RAPGEF1: variants seen among roughly 807,000 people sequenced by gnomAD.
The protein encoded by RAPGEF1 is Rap guanine nucleotide exchange factor 1.
A neutral mutation model predicts 143.3 loss-of-function variants in RAPGEF1; 33 were observed. That is an observed-to-expected ratio of 0.23 (90% CI 0.17 to 0.31). The LOEUF (loss-of-function observed/expected upper bound fraction) is 0.31. Ranked by LOEUF, RAPGEF1 falls within the 10% of genes least tolerant of loss-of-function variation. The pLI is 1.00. For missense variants in RAPGEF1, 1,199 were observed against 1,645.4 expected (o/e 0.73, Z 4.69); for synonymous variants, 629 against 676.5 (o/e 0.93, Z 1.09).
At chr9:131,682,039 A>G (rs1269650710) in intron 1 of RAPGEF1, among the ~76,000 whole-genome samples, 2 of 152,166 alleles carry the variant, frequency 1.3e-5, no homozygotes, top group Non-Finnish European at 2.9e-5. Context: ...CTGTAATGGT[A>G]TCGGAAGTAA....
Position 131,628,429 on chromosome 9 carries a change from C to T in RAPGEF1, c.1017+120G>A. On this transcript the variant is annotated intron_variant, in intron 8 of 26. Transcript: ENST00000683357. This position sits in a 1 kb window ranked among gnomAD's most constrained non-coding sequence, Gnocchi z 5.7. Reference sequence around the variant, plus strand: ...AGGGATGGGTACAAGGTCTCGCACTCCTCGATGTGACAAACACCAGCGCCT... The same window carrying T: ...AGGGATGGGTACAAGGTCTCGCACTTCTCGATGTGACAAACACCAGCGCCT... 7.4e-7 allele frequency: 1 copy of T among 1,356,770 alleles called. No individual in the cohort carries two copies. The highest frequency in any genetic ancestry group is 1.0e-6 in the Non-Finnish European group (1 of 998,050). 84.0% of individuals were successfully genotyped at this position (1,356,770 alleles called of 1,614,324 possible).
In RAPGEF1 at chr9:131,655,740, C is replaced by T. The variant is rs1014654784; in HGVS notation, c.62-4791G>A. 6.6e-6 allele frequency among the ~76,000 whole-genome samples: 1 copy of T among 152,148 alleles called. No homozygotes were observed. The highest frequency in any genetic ancestry group is 2.1e-4 in the South Asian group (1 of 4,826). ...TGCACTCCAGCCTGGGCGACTGCCA[C>T]CACGCCTGGCTAATTTTTTTGTATT... On this transcript the variant is annotated intron_variant, in intron 1 of 26. Transcript: ENST00000683357. This position sits in a 1 kb window ranked among gnomAD's most constrained non-coding sequence, Gnocchi z 4.1.
intron 1 of RAPGEF1, among the ~76,000 whole-genome samples, chr9:131,705,987 A>G (rs1222906457): frequency 6.6e-6 from 1 of 152,202 alleles, no homozygotes; most frequent in Non-Finnish European, 1.5e-5. Context: ...TGCCCTTCCT[A>G]ATCATGATCA....
chr9:131,630,119 T>C, intron 6 of RAPGEF1, 117 bp downstream of exon 6: 1 of 829,476 alleles, frequency 1.2e-6, no homozygotes, highest in Non-Finnish European at 2.0e-6. Flanking sequence ...GAAAAAGGAA[T>C]ATGGGCCTCC....
chr9:131,731,095 G>A (rs1837042856), intron 1 of RAPGEF1, among the ~76,000 whole-genome samples: 1 of 152,224 alleles, frequency 6.6e-6, no homozygotes, highest in Admixed American at 6.5e-5. Context: ...CTCAGTATAT[G>A]ACTATGTGCA....
chr9:131,640,594 G>A (rs1453595350), intron 4 of RAPGEF1, among the ~76,000 whole-genome samples: 1 of 142,536 alleles, frequency 7.0e-6, no homozygotes, highest in Non-Finnish European at 1.6e-5. Context: ...CGCATGTGAC[G>A]AGTGTGACTC....
rs144233817 is a variant in RAPGEF1, at chr9:131,663,586, T to C, written c.62-12637A>G. 2.2e-3 allele frequency among the ~76,000 whole-genome samples: 339 copies of C among 152,260 alleles called. 3 individuals carry two copies. Among genetic ancestry groups the C allele is most frequent in the African/African-American group, 7.9e-3 (326 of 41,518 alleles). ...GACTGGCTTTTGGACGTTGACATAT[T>C]TTGAAAAGTGCCTGCCAGTTGTCTT... On this transcript the variant is annotated intron_variant, in intron 1 of 26. Coordinates refer to ENST00000683357, the MANE Select transcript of RAPGEF1 (RefSeq NM_001377935.1).
chr9:131,711,572 G>A (rs900093008), intron 1 of RAPGEF1, among the ~76,000 whole-genome samples: 2 of 152,104 alleles, frequency 1.3e-5, no homozygotes, highest in Admixed American at 1.3e-4. Context: ...TGGCCAGGCT[G>A]GTCTCAAACT....
chr9:131,700,346 T>A (rs776224309), intron 1 of RAPGEF1, among the ~76,000 whole-genome samples: 1 of 152,134 alleles, frequency 6.6e-6, no homozygotes, highest in Non-Finnish European at 1.5e-5. Context: ...TTCTGATCAC[T>A]CTCCCTTTCC....
intron 15 of RAPGEF1, among the ~76,000 whole-genome samples, chr9:131,599,674 CA>C (rs1955946602): frequency 6.6e-6 from 1 of 152,118 alleles, no homozygotes; most frequent in South Asian, 2.1e-4. Flanking sequence ...ATGAGTCTCC[CA>C]GCTTAGGGTG....
In RAPGEF1 at chr9:131,714,702, T is replaced by C. The variant is rs1835737087; in HGVS notation, c.61+25068A>G. 3.3e-5 allele frequency among the ~76,000 whole-genome samples: 4 copies of C among 122,284 alleles called. No homozygotes were observed. In the South Asian group the frequency reaches 1.1e-3, roughly 32 times the overall value. The allele number at this position is 122,284 out of a possible 152,430, so 80.2% of individuals were successfully genotyped here. On this transcript the variant is annotated intron_variant, in intron 1 of 26. Coordinates refer to ENST00000683357, the MANE Select transcript of RAPGEF1 (RefSeq NM_001377935.1). ...CTGTCTTCTGGGGTCCTCTAGACTC[T>C]GCCTTTTTTTTTTTTTTTTTTTTTT...
intron 17 of RAPGEF1, among the ~76,000 whole-genome samples, chr9:131,594,811 C>T (rs997239173): frequency 3.9e-5 from 6 of 152,204 alleles, no homozygotes; most frequent in African/African-American, 1.4e-4. Flanking sequence ...CTCAGGGACC[C>T]CTCCAGCCTT....
At chr9:131,721,753 T>C (rs1328128604) in intron 1 of RAPGEF1, among the ~76,000 whole-genome samples, 2 of 152,206 alleles carry the variant, frequency 1.3e-5, no homozygotes, top group East Asian at 3.8e-4. Context: ...ACACGTAGAC[T>C]TTTTTCTTGT....
At chr9:131,736,918 G>A (rs1224381268) in intron 1 of RAPGEF1, among the ~76,000 whole-genome samples, 1 of 151,980 alleles carries the variant, frequency 6.6e-6, no homozygotes, top group Non-Finnish European at 1.5e-5. Flanking sequence ...ATACTCCTCT[G>A]GAGACTGAAT....
Position 131,621,543 on chromosome 9 carries a change from C to T in RAPGEF1, c.1905+253G>A, listed in dbSNP as rs1031107987. 6.6e-6 allele frequency among the ~76,000 whole-genome samples: 1 copy of T among 152,170 alleles called. No homozygotes were observed. The highest frequency in any genetic ancestry group is 1.5e-5 in the Non-Finnish European group (1 of 68,026). On this transcript the variant is annotated intron_variant, in intron 11 of 26. Coordinates refer to ENST00000683357, the MANE Select transcript of RAPGEF1 (RefSeq NM_001377935.1). This position sits in a 1 kb window ranked among gnomAD's most constrained non-coding sequence, Gnocchi z 4.5. ...CCTGAGTACAAGCCTGTCCCTGCTG[C>T]GCGGGGCTGCTGTGGAAAAGAAAGG...
intron 1 of RAPGEF1, among the ~76,000 whole-genome samples, chr9:131,662,070 CA>C (rs1336611454): frequency 2.6e-5 from 4 of 152,056 alleles, no homozygotes; most frequent in Non-Finnish European, 5.9e-5. Flanking sequence ...GAATTAAAAC[CA>C]AAACTCATTC....
chr9:131,719,182 T>C (rs767955869), intron 1 of RAPGEF1, among the ~76,000 whole-genome samples: 4 of 152,182 alleles, frequency 2.6e-5, no homozygotes, highest in African/African-American at 4.8e-5. Context: ...ATGTCTTGCT[T>C]ATCATGACTA....
At position 131,626,169 on chromosome 9, in the gene RAPGEF1, C is replaced by T. The variant is rs537081639; in HGVS notation, c.1455G>A (p.Thr485=). 23 of 1,613,864 alleles carry T rather than the reference C, an allele frequency of 1.4e-5. No individual in the cohort carries two copies. The highest frequency in any genetic ancestry group is 9.3e-5 in the African/African-American group (7 of 74,990). ...EKKRRSAASQ[T]ADGSGCRVSY... ...ACACCCTGCAGCCAGAGCCGTCCGC[C>T]GTCTGGGAGGCTGCGCTCCTGCGCT... The change falls in exon 10 of 27, where the codon ACG becomes ACA. Residue 485 remains threonine (T), a synonymous_variant. Coordinates refer to ENST00000683357, the MANE Select transcript of RAPGEF1 (RefSeq NM_001377935.1).
intron 22 of RAPGEF1, among the ~76,000 whole-genome samples, chr9:131,586,052 A>G (rs7036429): frequency 0.47 from 71,038 of 151,506 alleles, 16,975 homozygotes; most frequent in Middle Eastern, 0.55. Flanking sequence ...GGTGGCGAGC[A>G]CCTGTAGTCC....
Sources: gnomAD v4.1 joint callset for allele counts (sites outside exome capture counted in the v4.1 genomes callset) on GRCh38, gnomAD v4.1.1 for gene constraint, Gnocchi (gnomAD v3.1) non-coding constraint, MANE v1.5 for transcripts, NCBI Gene and HGNC (gene_info 2026-07-23, HGNC 2026-07-21) for gene names.